Variants in LRRC4C observed in about 807,000 individuals in gnomAD.
LRRC4C encodes the protein leucine-rich repeat-containing protein 4C.
LRRC4C carries 5 observed loss-of-function variants against 33.6 expected under a neutral mutation model. The ratio of observed to expected loss-of-function variants is 0.15; its 90% CI spans 0.08 to 0.31. The LOEUF (loss-of-function observed/expected upper bound fraction) is 0.31. LRRC4C is among the 10% of genes least tolerant of loss of function. The pLI, the probability that LRRC4C is intolerant of heterozygous loss-of-function variation, is 1.00. For missense variants in LRRC4C, 560 were observed against 796.7 expected, an observed-to-expected ratio of 0.70 and a Z score of 3.58; for synonymous variants, 329 against 302.0, an observed-to-expected ratio of 1.09 and a Z score of -0.93.
chr11:40,894,225 A>T (rs1019852375), intron 2 of LRRC4C, among the ~76,000 whole-genome samples: 1 of 152,160 alleles, frequency 6.6e-6, no homozygotes, highest in South Asian at 2.1e-4. Context: ...GTATTGATAC[A>T]TGTCTCTAAA....
At chr11:41,382,780 G>T (rs1953203899) in intron 1 of LRRC4C, among the ~76,000 whole-genome samples, 1 of 152,072 alleles carries the variant, frequency 6.6e-6, no homozygotes, top group Non-Finnish European at 1.5e-5. Context: ...AGAAAGGAGA[G>T]CTTTGGGCAA....
intron 5 of LRRC4C, among the ~76,000 whole-genome samples, chr11:40,236,573 A>G (rs1431259839): frequency 6.6e-6 from 1 of 152,182 alleles, no homozygotes; most frequent in Non-Finnish European, 1.5e-5. Context: ...TGACAAAAGG[A>G]TTATGAACAG....
intron 1 of LRRC4C, among the ~76,000 whole-genome samples, chr11:41,128,292 A>G (rs1272679268): frequency 2.0e-5 from 3 of 152,018 alleles, no homozygotes; most frequent in Non-Finnish European, 2.9e-5. Flanking sequence ...TTCTATTTGC[A>G]GTTCTAAACT....
intron 3 of LRRC4C, among the ~76,000 whole-genome samples, chr11:40,490,449 T>C (rs1054208207): frequency 6.6e-6 from 1 of 152,152 alleles, no homozygotes; most frequent in East Asian, 1.9e-4. Context: ...GTATGCCTGT[T>C]GTATGCATCT....
chr11:41,028,849 A>C (rs989518037), intron 1 of LRRC4C, among the ~76,000 whole-genome samples: 1 of 151,666 alleles, frequency 6.6e-6, no homozygotes. Context: ...TTTTCCTATA[A>C]ATTATTTTAT....
At chr11:40,238,755 G>A (rs956443659) in intron 5 of LRRC4C, among the ~76,000 whole-genome samples, 1 of 152,126 alleles carries the variant, frequency 6.6e-6, no homozygotes, top group Non-Finnish European at 1.5e-5. Flanking sequence ...AGAGGTTTCA[G>A]AATCATTTTT....
chr11:40,249,196 G>A (rs983169494), intron 4 of LRRC4C, among the ~76,000 whole-genome samples: 10 of 152,130 alleles, frequency 6.6e-5, no homozygotes, highest in African/African-American at 1.9e-4. Context: ...AAAATTAGCC[G>A]GGTGTGGTGG....
intron 2 of LRRC4C, among the ~76,000 whole-genome samples, chr11:40,672,983 T>C (rs559331660): frequency 1.6e-4 from 24 of 151,984 alleles, no homozygotes; most frequent in Non-Finnish European, 3.2e-4. Flanking sequence ...AGACTGTCCA[T>C]GAAGCTCTTA....
At chr11:40,526,111 C>G (rs891506426) in intron 3 of LRRC4C, among the ~76,000 whole-genome samples, 3 of 151,400 alleles carry the variant, frequency 2.0e-5, no homozygotes, top group Non-Finnish European at 4.4e-5. Flanking sequence ...TTAACCTAAT[C>G]GTGAATTACA....
chr11:40,196,402 T>C (rs1412622903), intron 5 of LRRC4C, among the ~76,000 whole-genome samples: 2 of 152,126 alleles, frequency 1.3e-5, no homozygotes, highest in African/African-American at 4.8e-5. Context: ...AGGAAGTAAA[T>C]GGGATGAACA....
At chr11:40,617,818 C>T (rs1962015913) in intron 3 of LRRC4C, among the ~76,000 whole-genome samples, 1 of 151,700 alleles carries the variant, frequency 6.6e-6, no homozygotes, top group Admixed American at 6.6e-5. Flanking sequence ...CCCCTTTTCA[C>T]AGTCATAAGT....
chr11:40,723,115 C>G (rs1947109616), intron 2 of LRRC4C, among the ~76,000 whole-genome samples: 1 of 151,922 alleles, frequency 6.6e-6, no homozygotes, highest in African/African-American at 2.4e-5. Flanking sequence ...TGTAAAGTGA[C>G]CAAACCTATG....
chr11:40,156,391 AAAG>A (rs1858692875), intron 5 of LRRC4C, among the ~76,000 whole-genome samples: 2 of 152,316 alleles, frequency 1.3e-5, no homozygotes, highest in East Asian at 1.9e-4. Flanking sequence ...CCAAGTCAGT[AAAG>A]AAGAAGTCAA....
chr11:41,024,302 C>A (rs1465085945), intron 1 of LRRC4C, among the ~76,000 whole-genome samples: 1 of 151,644 alleles, frequency 6.6e-6, no homozygotes, highest in African/African-American at 2.4e-5. Flanking sequence ...GAAGAATAAC[C>A]TGGATAATAT....
intron 1 of LRRC4C, among the ~76,000 whole-genome samples, chr11:41,139,363 T>G (rs2135896138): frequency 6.6e-6 from 1 of 152,352 alleles, no homozygotes; most frequent in South Asian, 2.1e-4. Flanking sequence ...GCATGTCATT[T>G]GATCTTTCAG....
At chr11:40,148,990 T>C (rs1857971946) in intron 5 of LRRC4C, among the ~76,000 whole-genome samples, 1 of 152,196 alleles carries the variant, frequency 6.6e-6, no homozygotes, top group African/African-American at 2.4e-5. Context: ...CAGATAGTTG[T>C]AGGAGTGCAG....
At chr11:40,674,318 A>G (rs1326764228) in intron 2 of LRRC4C, among the ~76,000 whole-genome samples, 1 of 152,176 alleles carries the variant, frequency 6.6e-6, no homozygotes, top group Non-Finnish European at 1.5e-5. Flanking sequence ...AATGTGACCC[A>G]CCTTCTTATA....
chr11:40,158,536 G>T (rs1398892664), intron 5 of LRRC4C, among the ~76,000 whole-genome samples: 1 of 144,710 alleles, frequency 6.9e-6, no homozygotes, highest in Non-Finnish European at 1.5e-5. Flanking sequence ...AAAACCAAAA[G>T]TTTATTTTAA....
At position 41,375,340 on chromosome 11, in the gene LRRC4C, G is replaced by A. The variant is rs189491387; in HGVS notation, c.-496+84091C>T. ...TGTGACATACGTAAGTACAATTTCC[G>A]TTGATGCTTAAGGCAGAGAGTGGAG... is the stretch of plus-strand genomic sequence containing the variant. On this transcript the variant is annotated intron_variant, in intron 1 of 6. Coordinates refer to ENST00000528697, the MANE Select transcript of LRRC4C (RefSeq NM_001258419.2). Among the ~76,000 whole-genome samples the A allele has an allele frequency of 8.8e-4, 134 of 152,184 alleles. 1 individual carries two copies. The highest frequency in any genetic ancestry group is 1.5e-3 in the South Asian group (7 of 4,822).
Sources: allele counts gnomAD v4.1 joint callset (sites outside exome capture counted in the v4.1 genomes callset), GRCh38; gene constraint gnomAD v4.1.1; transcripts MANE v1.5; gene names NCBI Gene and HGNC (gene_info 2026-07-23, HGNC 2026-07-21).